The following RUVBL1 variants were observed in gnomAD, a reference collection of about 807,000 sequenced individuals.
RUVBL1 encodes the protein ruvB-like 1.
A neutral mutation model predicts 52.4 loss-of-function variants in RUVBL1; 4 were observed. The observed-to-expected ratio is 0.08, with a 90% confidence interval of 0.04 to 0.17. The LOEUF is 0.17. Among genes scored for constraint, RUVBL1 ranks in the 10% least tolerant of loss-of-function variants. The pLI is 1.00. For synonymous variants in RUVBL1, 217 were observed against 214.4 expected (o/e 1.01, Z -0.10); for missense variants, 298 against 572.8 (o/e 0.52, Z 4.90).
chr3:128,104,560 T>A (rs1022914350), intron 4 of RUVBL1, among the ~76,000 whole-genome samples: 1 of 152,208 alleles, frequency 6.6e-6, no homozygotes, highest in East Asian at 1.9e-4. Context: ...TAGGAGTAAG[T>A]AAGAAAAGAG....
exon 1 of RUVBL1, chr3:128,153,714 C>G (rs1269386428): frequency 1.9e-6 from 3 of 1,585,540 alleles, no homozygotes; most frequent in East Asian, 4.6e-5. Flanking sequence ...CGTCTTTGCC[C>G]GAGTTCCAGG....
chr3:128,090,346 C>T (rs1377356987), intron 8 of RUVBL1, among the ~76,000 whole-genome samples: 3 of 151,844 alleles, frequency 2.0e-5, no homozygotes, highest in East Asian at 1.9e-4. Flanking sequence ...GGTGAAACCC[C>T]GTCTCTACTA....
exon 10 of RUVBL1, chr3:128,065,211 G>T: frequency 1.3e-6 from 1 of 752,678 alleles, no homozygotes; most frequent in South Asian, 1.5e-5. Context: ...TGTTCATTGA[G>T]TCATGGGACC....
upstream of RUVBL1, among the ~76,000 whole-genome samples, chr3:128,128,576 A>G (rs1017904445): frequency 3.3e-5 from 5 of 152,188 alleles, no homozygotes; most frequent in Admixed American, 6.5e-5. Flanking sequence ...AGAAGAGGAC[A>G]TACTTCTTCC....
chr3:128,130,093 T>G (rs1194823839), intron 1 of RUVBL1, among the ~76,000 whole-genome samples: 1 of 151,510 alleles, frequency 6.6e-6, no homozygotes, highest in African/African-American at 2.4e-5. Context: ...ACAGAGAAAA[T>G]AAAAAAACTA....
chr3:128,099,164 G>C (rs1943058226), intron 6 of RUVBL1, among the ~76,000 whole-genome samples: 1 of 152,126 alleles, frequency 6.6e-6, no homozygotes, highest in Non-Finnish European at 1.5e-5. Context: ...GCTCCGTGGG[G>C]CCTGCCCAGC....
At chr3:128,123,436 G>C (rs1404563575) in intron 1 of RUVBL1, 148 bp downstream of exon 1, 2 of 1,034,902 alleles carry the variant, frequency 1.9e-6, no homozygotes, top group East Asian at 2.9e-5. Flanking sequence ...GCCCCTCCCC[G>C]AGCCCCTGGC....
In RUVBL1 at chr3:128,106,143, G is replaced by A. The variant is rs564448500; in HGVS notation, c.362-1219C>T. 4.6e-5 allele frequency among the ~76,000 whole-genome samples: 7 copies of A among 152,212 alleles called. No homozygotes were observed. In the South Asian group the frequency reaches 1.5e-3, roughly 32 times the overall value. Reference sequence around the variant, plus strand: ...GATCCACCCACCTTGGCCTCCCAAAGTGCTGGGATTACAGGTGTGAGCTAC... The same window carrying A: ...GATCCACCCACCTTGGCCTCCCAAAATGCTGGGATTACAGGTGTGAGCTAC... On this transcript the variant is annotated intron_variant, in intron 3 of 10. Coordinates refer to ENST00000322623, the MANE Select transcript of RUVBL1 (RefSeq NM_003707.3).
At chr3:128,129,117 A>T (rs1943838282) in intron 1 of RUVBL1, among the ~76,000 whole-genome samples, 1 of 152,152 alleles carries the variant, frequency 6.6e-6, no homozygotes, top group Non-Finnish European at 1.5e-5. Flanking sequence ...AGTGCAATGT[A>T]GCTTTTACTC....
intron 7 of RUVBL1, among the ~76,000 whole-genome samples, chr3:128,098,119 C>T (rs1385568575): frequency 2.0e-5 from 3 of 152,072 alleles, no homozygotes; most frequent in Non-Finnish European, 4.4e-5. Flanking sequence ...GTTACATAAC[C>T]CAGCTAAGGT....
chr3:128,089,038 A>C (rs1942745363), intron 8 of RUVBL1, among the ~76,000 whole-genome samples: 1 of 152,218 alleles, frequency 6.6e-6, no homozygotes, highest in Non-Finnish European at 1.5e-5. Flanking sequence ...AGCACTACCG[A>C]GTATTCTCAT....
intron 9 of RUVBL1, among the ~76,000 whole-genome samples, chr3:128,073,932 C>T (rs568627724): frequency 6.6e-6 from 1 of 152,306 alleles, no homozygotes; most frequent in African/African-American, 2.4e-5. Flanking sequence ...TTAGAAGAAT[C>T]TCCAAGATAT....
upstream of RUVBL1, among the ~76,000 whole-genome samples, chr3:128,126,501 G>A (rs917966896): frequency 2.0e-5 from 3 of 151,684 alleles, no homozygotes; most frequent in Admixed American, 6.6e-5. Flanking sequence ...AGCCGAGATC[G>A]TGCCATTGCA....
In RUVBL1 at chr3:128,067,965, CCTG is replaced by C. The variant is rs753195479; in HGVS notation, c.940-2748_940-2746del. 1.9e-6 allele frequency: 3 copies of C among 1,611,736 alleles called. No homozygotes were observed. The highest frequency in any genetic ancestry group is 1.3e-5 in the African/African-American group (1 of 74,936). ...TTCAGCCTCCAATTCCAACTTCTCC[CCTG>C]TGGGCACCCTGCAGGTTGCAAAGCA... On this transcript the variant is annotated intron_variant, in intron 9 of 9. Transcript: ENST00000464873. This position sits in a 1 kb window ranked among gnomAD's most constrained non-coding sequence, Gnocchi z 4.1.
chr3:128,113,665 T>C (rs1228064296), intron 2 of RUVBL1, among the ~76,000 whole-genome samples: 1 of 152,252 alleles, frequency 6.6e-6, no homozygotes, highest in Admixed American at 6.5e-5. Flanking sequence ...TTTTATTTTT[T>C]ATTGTTTTTT....
rs548518066 is a variant in RUVBL1, at chr3:128,130,775, C to G, written c.-39-11361G>C. On this transcript the variant is annotated intron_variant, in intron 1 of 9. Transcript: ENST00000464873. ...ATGCCATTCTCCTGCCTCAGCCTCC[C>G]GAGTAGCTGGGACTACATGCGCCTG... Among the ~76,000 whole-genome samples, 9 of 151,834 alleles carry G rather than the reference C, an allele frequency of 5.9e-5. No homozygotes were observed. The East Asian group carries it at 1.7e-3, about 29-fold the overall frequency.
chr3:128,080,283 T>G (rs2107667587), downstream of RUVBL1, among the ~76,000 whole-genome samples: 1 of 152,364 alleles, frequency 6.6e-6, no homozygotes, highest in Non-Finnish European at 1.5e-5. Flanking sequence ...GTAAGTCCAT[T>G]CTGATACAAT....
chr3:128,145,553 T>TTGGGG (rs1944091537), intron 1 of RUVBL1, among the ~76,000 whole-genome samples: 1 of 151,980 alleles, frequency 6.6e-6, no homozygotes, highest in Non-Finnish European at 1.5e-5. Context: ...CGGGCGAGTG[T>TTGGGG]TGGGGTGGGG....
chr3:128,076,381 G>A (rs1576434191), downstream of RUVBL1, among the ~76,000 whole-genome samples: 2 of 152,206 alleles, frequency 1.3e-5, no homozygotes, highest in East Asian at 3.9e-4. The surrounding 1 kb of genome is among the most constrained non-coding windows in gnomAD (Gnocchi z 6.8). Flanking sequence ...AAGGAGCACA[G>A]GGGGGCGGCC....
Sources: allele counts gnomAD v4.1 joint callset (sites outside exome capture counted in the v4.1 genomes callset), GRCh38; gene constraint gnomAD v4.1.1; non-coding constraint Gnocchi (gnomAD v3.1); transcripts MANE v1.5; gene names NCBI Gene and HGNC (gene_info 2026-07-23, HGNC 2026-07-21).